SLC15A5: variants seen among roughly 807,000 people sequenced by gnomAD.
The protein encoded by SLC15A5 is solute carrier family 15 member 5.
SLC15A5 carries 58 observed loss-of-function variants against 56.1 expected under a neutral mutation model. The observed-to-expected ratio is 1.03, with a 90% CI of 0.84 to 1.29. The LOEUF (loss-of-function observed/expected upper bound fraction) is 1.29, where lower values mean the gene tolerates loss of function less well. SLC15A5 is among the 50% of genes most tolerant of loss of function. SLC15A5 has a pLI of 0.00. For synonymous variants in SLC15A5, 264 were observed against 250.5 expected, an observed-to-expected ratio of 1.05 and a Z score of -0.51; for missense variants, 681 against 672.1, an observed-to-expected ratio of 1.01 and a Z score of -0.15.
chr12:16,258,369 A>G lies in SLC15A5; in HGVS notation c.585-499T>C, dbSNP rs2136808093. Among the ~76,000 whole-genome samples, 4 of 152,290 alleles carry G rather than the reference A, an allele frequency of 2.6e-5. 1 individual carries two copies. The Middle Eastern group carries it at 0.014, about 518-fold the overall frequency. ...TATACTTAGAATAGCATGTAACTGA[A>G]GAAATGAGTGACATTTGAATAAAAC... On this transcript the variant is annotated intron_variant, in intron 2 of 8. Transcript: ENST00000344941.
intron 5 of SLC15A5, among the ~76,000 whole-genome samples, chr12:16,229,433 T>C (rs1426722190): frequency 6.6e-6 from 1 of 152,200 alleles, no homozygotes; most frequent in African/African-American, 2.4e-5. Context: ...CTTTTAGATA[T>C]GCACTTTATA....
At position 16,196,058 on chromosome 12, in the gene SLC15A5, A is replaced by G. The variant is rs1863891942; in HGVS notation, c.1484-1605T>C. Among the ~76,000 whole-genome samples the G allele has an allele frequency of 6.6e-6, 1 of 152,076 alleles. No homozygotes were observed. Among genetic ancestry groups the G allele is most frequent in the African/African-American group, 2.4e-5 (1 of 41,440 alleles). ...AAAGGTAATCCTGATTATGCTATTA[A>G]TTTGCAGTAGCTGTGTGTGTCTTAT... On this transcript the variant is annotated intron_variant, in intron 7 of 8. Coordinates refer to ENST00000344941, the MANE Select transcript of SLC15A5 (RefSeq NM_001170798.1). This position sits in a 1 kb window ranked among gnomAD's most constrained non-coding sequence, Gnocchi z 4.0.
Position 16,205,610 on chromosome 12 carries a change from CAT to C in SLC15A5, c.1484-11159_1484-11158del, listed in dbSNP as rs1220526117. 2.6e-4 allele frequency among the ~76,000 whole-genome samples: 28 copies of C among 105,768 alleles called. 1 individual carries two copies. The highest frequency in any genetic ancestry group is 9.4e-4 in the South Asian group (2 of 2,124). 69.4% of individuals were successfully genotyped at this position (105,768 alleles called of 152,430 possible). ...ATATATACATATACACACACACACA[CAT>C]ATATATACACATATATATATACACA... On this transcript the variant is annotated intron_variant, in intron 7 of 8. Coordinates refer to ENST00000344941, the MANE Select transcript of SLC15A5 (RefSeq NM_001170798.1).
intron 2 of SLC15A5, 30 bp from the exon 3 acceptor site, chr12:16,257,900 A>C (rs753894352): frequency 4.4e-5 from 60 of 1,365,364 alleles, no homozygotes; most frequent in Non-Finnish European, 5.3e-5. Context: ...AAAAATAAAA[A>C]TACCATTGAA....
In SLC15A5 at chr12:16,196,863, G is replaced by A. The variant is rs1332048757; in HGVS notation, c.1484-2410C>T. On this transcript the variant is annotated intron_variant, in intron 7 of 8. Transcript: ENST00000344941. This position sits in a 1 kb window ranked among gnomAD's most constrained non-coding sequence, Gnocchi z 4.0. ...TATTTTAAAGAAATTGTTTCATTATGGCAAATACCAGCCTTTTGGGAGATA... is the reference window on the plus strand; with the variant it reads ...TATTTTAAAGAAATTGTTTCATTATAGCAAATACCAGCCTTTTGGGAGATA... Among the ~76,000 whole-genome samples the A allele has an allele frequency of 6.6e-6, 1 of 151,928 alleles. No homozygotes were observed. The highest frequency in any genetic ancestry group is 2.4e-5 in the African/African-American group (1 of 41,382).
intron 8 of SLC15A5, 125 bp from the exon 9 acceptor site, chr12:16,189,940 G>A (rs893497427): frequency 2.0e-5 from 14 of 686,598 alleles, no homozygotes; most frequent in East Asian, 3.0e-5. Flanking sequence ...CAACAGTGAC[G>A]ATTATTTAAG....
chr12:16,272,765 A>G lies in SLC15A5; in HGVS notation c.380T>C (p.Val127Ala). 6.5e-7 allele frequency: 1 copy of G among 1,537,118 alleles called. No homozygotes were observed. Among genetic ancestry groups the G allele is most frequent in the Non-Finnish European group, 8.7e-7 (1 of 1,146,642 alleles). ...LHFLGTALLS[V>A]VAFPLEDFYL... ...GAAATCTTCCAAGGGAAAAGCCACC[A>G]CAGATAACAAAGCAGTGCCTGTAGG... The change falls in exon 2 of 9, where the codon GTG (valine) becomes GCG (alanine). Residue 127 changes from valine (V) to alanine (A), a missense_variant. Physicochemically the swap from Val to Ala is moderately conservative, Grantham distance 64. Transcript: ENST00000344941.
Position 16,189,657 on chromosome 12 carries a change from C to T in SLC15A5, c.*11G>A. 1 of 1,480,686 alleles carries T rather than the reference C, an allele frequency of 6.8e-7. No homozygotes were observed. Among genetic ancestry groups the T allele is most frequent in the African/African-American group, 1.4e-5 (1 of 70,912 alleles). 91.7% of individuals were successfully genotyped at this position (1,480,686 alleles called of 1,614,324 possible). On this transcript the variant is annotated 3_prime_UTR_variant, in exon 9 of 9. Transcript: ENST00000344941. ...ACTGTTCTCATAAGACAGGTAGACT[C>T]AAACACAGTTTCATAGGGCTGTCTC...
chr12:16,241,478 C>T (rs1864414572), intron 4 of SLC15A5, among the ~76,000 whole-genome samples: 1 of 152,214 alleles, frequency 6.6e-6, no homozygotes, highest in South Asian at 2.1e-4. Context: ...GACAAGACCA[C>T]ATTTTCACTG....
intron 2 of SLC15A5, among the ~76,000 whole-genome samples, chr12:16,259,451 A>G (rs1864617529): frequency 6.9e-6 from 1 of 145,778 alleles, no homozygotes; most frequent in African/African-American, 2.6e-5. Flanking sequence ...ATTTCCCTCT[A>G]TTTCCTCTAA....
chr12:16,238,898 C>T (rs1002440963), intron 5 of SLC15A5, among the ~76,000 whole-genome samples: 5 of 152,156 alleles, frequency 3.3e-5, no homozygotes, highest in African/African-American at 9.7e-5. Context: ...GTTCTGGGCA[C>T]TGATGTCATC....
At chr12:16,267,907 T>TAAA (rs79485675) in intron 2 of SLC15A5, among the ~76,000 whole-genome samples, 1 of 97,326 alleles carries the variant, frequency 1.0e-5, no homozygotes, top group Non-Finnish European at 2.1e-5. Context: ...CCTGGGTAAT[T>TAAA]AAAAAAAAAT....
chr12:16,267,099 A>C (rs940107486), intron 2 of SLC15A5, among the ~76,000 whole-genome samples: 10 of 152,218 alleles, frequency 6.6e-5, no homozygotes, highest in African/African-American at 2.2e-4. Flanking sequence ...TGGTGATTTG[A>C]AGAGAAATTA....
Position 16,224,399 on chromosome 12 carries a change from A to G in SLC15A5, c.1351+15T>C. The G allele has an allele frequency of 6.5e-7, 1 of 1,535,730 alleles. No individual in the cohort carries two copies. Among genetic ancestry groups the G allele is most frequent in the Non-Finnish European group, 8.7e-7 (1 of 1,145,894 alleles). On this transcript the variant is annotated intron_variant, in intron 6 of 8. Transcript: ENST00000344941. ...TCAGTATGTTCTAACATTAGTTGAA[A>G]AGGTGTTTACTCACGGGCTGGGTTT...
At position 16,271,468 on chromosome 12, in the gene SLC15A5, T is replaced by TC. The variant is rs1478466633; in HGVS notation, c.584+1092dup. 2.0e-5 allele frequency among the ~76,000 whole-genome samples: 3 copies of TC among 152,140 alleles called. No homozygotes were observed. The highest frequency in any genetic ancestry group is 2.0e-4 in the Admixed American group (3 of 15,262). ...GAATTTGCTGCAAGGAAGTAAAGAG[T>TC]CCCTTCTACCTTTGGTAAGACTGCA... On this transcript the variant is annotated intron_variant, in intron 2 of 8. Transcript: ENST00000344941. This position sits in a 1 kb window ranked among gnomAD's most constrained non-coding sequence, Gnocchi z 8.0.
chr12:16,259,969 C>G (rs981080909), intron 2 of SLC15A5, among the ~76,000 whole-genome samples: 18 of 151,510 alleles, frequency 1.2e-4, no homozygotes, highest in African/African-American at 4.1e-4. Flanking sequence ...CTCACTTGGC[C>G]TCAGCAACAT....
chr12:16,232,089 G>T (rs1864305205), intron 5 of SLC15A5, among the ~76,000 whole-genome samples: 1 of 152,214 alleles, frequency 6.6e-6, no homozygotes, highest in South Asian at 2.1e-4. Context: ...AGACATTGGA[G>T]AAAAGCTTCC....
rs1212980682 is a variant in SLC15A5 at position 16,269,434 on chromosome 12, C to G, written c.584+3127G>C. Among the ~76,000 whole-genome samples, 3 of 152,094 alleles carry G rather than the reference C, an allele frequency of 2.0e-5. No individual in the cohort carries two copies. The highest frequency in any genetic ancestry group is 2.9e-5 in the Non-Finnish European group (2 of 68,004). Reference sequence around the variant, plus strand: ...TGGTGGCAGGACCCAGGCATTTGTACTTTTTAAAAAAGAATCCTCAGGTGG... The same window carrying G: ...TGGTGGCAGGACCCAGGCATTTGTAGTTTTTAAAAAAGAATCCTCAGGTGG... On this transcript the variant is annotated intron_variant, in intron 2 of 8. Transcript: ENST00000344941. The surrounding 1 kb of genome is among the most constrained non-coding windows in gnomAD (Gnocchi z 4.7).
At chr12:16,220,797 C>A (rs1864179278) in intron 6 of SLC15A5, among the ~76,000 whole-genome samples, 1 of 152,084 alleles carries the variant, frequency 6.6e-6, no homozygotes, top group Non-Finnish European at 1.5e-5. Flanking sequence ...ATGCTATAAG[C>A]TATAATGGCA....
Sources: gnomAD v4.1 joint callset for allele counts (sites outside exome capture counted in the v4.1 genomes callset) on GRCh38, gnomAD v4.1.1 for gene constraint, Gnocchi (gnomAD v3.1) non-coding constraint, MANE v1.5 for transcripts, NCBI Gene and HGNC (gene_info 2026-07-23, HGNC 2026-07-21) for gene names.